Variants in OPCML observed in about 807,000 individuals in gnomAD.
The protein encoded by OPCML is opioid binding protein/cell adhesion molecule like.
In OPCML, 13 loss-of-function variants were observed where a neutral mutation model predicts 37.8. The ratio of observed to expected loss-of-function variants is 0.34; its 90% CI spans 0.22 to 0.55. The LOEUF (loss-of-function observed/expected upper bound fraction) is 0.55, where lower values mean the gene tolerates loss of function less well. Ranked by LOEUF, OPCML falls within the 20% of genes least tolerant of loss-of-function variation. The pLI is 0.91. For missense variants in OPCML, 341 were observed against 435.6 expected, an observed-to-expected ratio of 0.78 and a Z score of 1.93; for synonymous variants, 176 against 168.8, an observed-to-expected ratio of 1.04 and a Z score of -0.33.
intron 2 of OPCML, among the ~76,000 whole-genome samples, chr11:132,707,952 C>T (rs1273691439): frequency 6.6e-6 from 1 of 152,006 alleles, no homozygotes; most frequent in East Asian, 1.9e-4. Context: ...GAGTGTGTCA[C>T]ATAAAAGCAA....
At chr11:133,303,548 GA>G (rs1460141087) in intron 1 of OPCML, among the ~76,000 whole-genome samples, 1 of 152,102 alleles carries the variant, frequency 6.6e-6, no homozygotes, top group Non-Finnish European at 1.5e-5. Flanking sequence ...ACAAAACAAA[GA>G]ACACCTGGAT....
At chr11:133,341,831 T>C (rs983220505) in intron 1 of OPCML, among the ~76,000 whole-genome samples, 2 of 151,932 alleles carry the variant, frequency 1.3e-5, no homozygotes, top group African/African-American at 4.8e-5. Flanking sequence ...GGCAGGAGAA[T>C]AGCTTGAACT....
chr11:133,201,540 T>A (rs1031876873), intron 1 of OPCML, among the ~76,000 whole-genome samples: 2 of 152,080 alleles, frequency 1.3e-5, no homozygotes, highest in African/African-American at 4.8e-5. Flanking sequence ...AGTAAGTAGG[T>A]AAGTGGCATG....
intron 2 of OPCML, among the ~76,000 whole-genome samples, chr11:132,760,484 G>A (rs1010139082): frequency 1.1e-4 from 16 of 151,560 alleles, no homozygotes; most frequent in African/African-American, 3.9e-4. Context: ...GAGTGCTCCT[G>A]TATTGGGTGC....
chr11:132,488,434 C>T (rs903945983), intron 4 of OPCML, among the ~76,000 whole-genome samples: 1 of 152,156 alleles, frequency 6.6e-6, no homozygotes, highest in Non-Finnish European at 1.5e-5. Flanking sequence ...ATGGTATAGC[C>T]TATTGCTCCT....
intron 1 of OPCML, among the ~76,000 whole-genome samples, chr11:133,342,538 C>A (rs190266400): frequency 6.6e-6 from 1 of 152,300 alleles, no homozygotes; most frequent in Admixed American, 6.5e-5. Context: ...CCTACTGATG[C>A]CAGACACATA....
intron 1 of OPCML, among the ~76,000 whole-genome samples, chr11:133,109,168 C>T (rs1406517632): frequency 6.6e-6 from 1 of 152,154 alleles, no homozygotes; most frequent in African/African-American, 2.4e-5. Context: ...GGAGTTGGTT[C>T]CTTCCGGTGG....
chr11:132,912,847 A>C, intron 2 of OPCML, among the ~76,000 whole-genome samples: 1 of 152,244 alleles, frequency 6.6e-6, no homozygotes, highest in East Asian at 1.9e-4. Flanking sequence ...CCCGTAGGAT[A>C]AAATCCATGC....
rs182669083 is a variant in OPCML, at chr11:132,990,124, C to T, written c.62-47114G>A. 2.0e-5 allele frequency among the ~76,000 whole-genome samples: 3 copies of T among 152,302 alleles called. No individual in the cohort carries two copies. The East Asian group carries it at 5.8e-4, about 29-fold the overall frequency. On this transcript the variant is annotated intron_variant, in intron 1 of 7. Transcript: ENST00000524381. ...TTCAGACAGCAATCCATAGCAGCTA[C>T]AGTGCCATAACCATGACTGAAAGCA...
intron 1 of OPCML, among the ~76,000 whole-genome samples, chr11:133,499,874 ATTT>A (rs778116200): frequency 8.3e-6 from 1 of 120,250 alleles, no homozygotes; most frequent in African/African-American, 3.7e-5. Context: ...ATATATATAT[ATTT>A]TTTTTTTTTT....
intron 2 of OPCML, among the ~76,000 whole-genome samples, chr11:132,918,306 T>C (rs61906935): frequency 0.24 from 36,963 of 152,108 alleles, 7,915 homozygotes; most frequent in African/African-American, 0.57. Flanking sequence ...ACACATCTAC[T>C]CTTGGTTGAC....
chr11:132,726,701 C>G (rs1944898133), intron 2 of OPCML, among the ~76,000 whole-genome samples: 1 of 151,958 alleles, frequency 6.6e-6, no homozygotes, highest in South Asian at 2.1e-4. Flanking sequence ...AAACCAACCG[C>G]CATGGTCCAG....
intron 1 of OPCML, among the ~76,000 whole-genome samples, chr11:133,497,472 C>T (rs1201850032): frequency 1.3e-5 from 2 of 152,106 alleles, no homozygotes; most frequent in East Asian, 1.9e-4. Flanking sequence ...TGGTCCCCCC[C>T]GATTCACTTA....
rs960093462 is a variant in OPCML, at chr11:132,582,855, T to G, written c.380-53669A>C. 1.3e-5 allele frequency among the ~76,000 whole-genome samples: 2 copies of G among 148,574 alleles called. 1 individual carries two copies. Among genetic ancestry groups the G allele is most frequent in the East Asian group, 3.9e-4 (2 of 5,098 alleles). ...TGTTTTTTTGTTTAAGGTTTTTTTT[T>G]TTTTTTTTTTTTGATAGGGTCTTGC... On this transcript the variant is annotated intron_variant, in intron 3 of 7. Coordinates refer to ENST00000524381, the MANE Select transcript of OPCML (RefSeq NM_001012393.5).
intron 1 of OPCML, among the ~76,000 whole-genome samples, chr11:133,331,778 A>G (rs908211368): frequency 6.6e-6 from 1 of 152,160 alleles, no homozygotes; most frequent in Admixed American, 6.5e-5. Context: ...CACATAGGCC[A>G]TCTTTCCTTT....
At chr11:132,558,838 T>C (rs1359053768) in intron 3 of OPCML, among the ~76,000 whole-genome samples, 2 of 152,008 alleles carry the variant, frequency 1.3e-5, no homozygotes, top group Non-Finnish European at 2.9e-5. Context: ...ACCGTTCAAT[T>C]TTTTCAGCCA....
chr11:133,412,133 G>C (rs1945664940), intron 1 of OPCML, among the ~76,000 whole-genome samples: 1 of 152,174 alleles, frequency 6.6e-6, no homozygotes, highest in African/African-American at 2.4e-5. Flanking sequence ...CCCAAGGTGT[G>C]ATGAATGCAG....
intron 1 of OPCML, among the ~76,000 whole-genome samples, chr11:133,022,326 C>T (rs1442056637): frequency 1.3e-5 from 2 of 152,174 alleles, no homozygotes; most frequent in Non-Finnish European, 1.5e-5. Context: ...TCATGCCTTT[C>T]TTCTGTTTTT....
chr11:132,539,290 T>C (rs190353090), intron 3 of OPCML, among the ~76,000 whole-genome samples: 196 of 152,260 alleles, frequency 1.3e-3, no homozygotes, highest in Non-Finnish European at 2.8e-4. Flanking sequence ...GGGTTTGTTG[T>C]GGGCAGAGCT....
Sources: allele counts gnomAD v4.1 joint callset (sites outside exome capture counted in the v4.1 genomes callset), GRCh38; gene constraint gnomAD v4.1.1; transcripts MANE v1.5; gene names NCBI Gene and HGNC (gene_info 2026-07-23, HGNC 2026-07-21).